The following SUSD4 variants were observed in gnomAD, a reference collection of about 807,000 sequenced individuals.
SUSD4 encodes the protein sushi domain containing 4.
A neutral mutation model predicts 50.5 loss-of-function variants in SUSD4; 41 were observed. The ratio of observed to expected loss-of-function variants is 0.81; its 90% confidence interval spans 0.63 to 1.05. SUSD4 has a LOEUF of 1.05. Ranked by LOEUF, SUSD4 falls within the 50% of genes least tolerant of loss-of-function variation. The pLI, the probability that SUSD4 is intolerant of heterozygous loss-of-function variation, is 0.00. For missense variants in SUSD4, 580 were observed against 634.7 expected (o/e 0.91, Z 0.93); for synonymous variants, 257 against 257.3 (o/e 1.00, Z 0.01).
At chr1:223,340,983 A>T (rs1019737038) in intron 2 of SUSD4, among the ~76,000 whole-genome samples, 1 of 152,224 alleles carries the variant, frequency 6.6e-6, no homozygotes, top group Non-Finnish European at 1.5e-5. Flanking sequence ...TCTAAGAGAG[A>T]ATAAAAGCAC....
intron 2 of SUSD4, among the ~76,000 whole-genome samples, chr1:223,347,822 G>A (rs1268558776): frequency 1.0e-5 from 1 of 97,198 alleles, no homozygotes; most frequent in Non-Finnish European, 2.2e-5. Context: ...CCCTCAGGAG[G>A]TGGATCCTGT....
chr1:223,280,348 C>T (rs925572153), intron 3 of SUSD4, among the ~76,000 whole-genome samples: 4 of 152,070 alleles, frequency 2.6e-5, no homozygotes, highest in African/African-American at 7.2e-5. Context: ...ACCCATCTCA[C>T]GTGCAGATAC....
intron 2 of SUSD4, among the ~76,000 whole-genome samples, chr1:223,347,695 C>T (rs370518193): frequency 4.0e-5 from 3 of 74,348 alleles, no homozygotes; most frequent in Non-Finnish European, 8.6e-5. Flanking sequence ...TGCTCAAATG[C>T]ATCCATGAAA....
Position 223,229,447 on chromosome 1 carries a change from C to T in SUSD4, c.725-59G>A, listed in dbSNP as rs1250871477. 1.3e-6 allele frequency: 2 copies of T among 1,490,336 alleles called. No homozygotes were observed. Among genetic ancestry groups the T allele is most frequent in the Admixed American group, 1.9e-5 (1 of 51,660 alleles). 92.3% of individuals were successfully genotyped at this position (1,490,336 alleles called of 1,614,324 possible). A position where few individuals can be genotyped will look rare whatever the true frequency, so the allele number is the denominator to read the frequency against. Reference sequence around the variant, plus strand: ...CCACAAGCTCACCTTTGTCTGAAGCCCCTAAGACGAAGAATGGCCTAGGAG... The same window carrying T: ...CCACAAGCTCACCTTTGTCTGAAGCTCCTAAGACGAAGAATGGCCTAGGAG... On this transcript the variant is annotated intron_variant, in intron 5 of 8. Coordinates refer to ENST00000366878, the MANE Select transcript of SUSD4 (RefSeq NM_017982.4). This position sits in a 1 kb window ranked among gnomAD's most constrained non-coding sequence, Gnocchi z 4.7.
intron 2 of SUSD4, among the ~76,000 whole-genome samples, chr1:223,320,080 G>A (rs960358706): frequency 1.3e-5 from 2 of 152,188 alleles, no homozygotes; most frequent in Non-Finnish European, 2.9e-5. Context: ...ATGCAGGGAC[G>A]CCTCCTAAGC....
At chr1:223,359,896 G>C (rs1668877219) in intron 2 of SUSD4, among the ~76,000 whole-genome samples, 1 of 151,896 alleles carries the variant, frequency 6.6e-6, no homozygotes, top group Admixed American at 6.6e-5. Flanking sequence ...AGAGTTCTAG[G>C]TAAAAATAAC....
At chr1:223,334,877 C>T (rs1025580885) in intron 2 of SUSD4, among the ~76,000 whole-genome samples, 6 of 152,108 alleles carry the variant, frequency 3.9e-5, no homozygotes, top group African/African-American at 7.2e-5. Flanking sequence ...CAAAGTCCTA[C>T]CCTTTCCCCC....
intron 2 of SUSD4, among the ~76,000 whole-genome samples, chr1:223,315,343 T>G (rs899443158): frequency 1.3e-5 from 2 of 152,236 alleles, no homozygotes; most frequent in African/African-American, 4.8e-5. Flanking sequence ...AGATACCTTC[T>G]CTAATTACTC....
intron 2 of SUSD4, among the ~76,000 whole-genome samples, chr1:223,346,270 C>T (rs999704933): frequency 6.6e-6 from 1 of 152,112 alleles, no homozygotes; most frequent in Non-Finnish European, 1.5e-5. Flanking sequence ...AAACATGCTC[C>T]TCCGTTCAGA....
intron 2 of SUSD4, among the ~76,000 whole-genome samples, chr1:223,328,964 C>T (rs986256459): frequency 6.6e-6 from 1 of 152,214 alleles, no homozygotes; most frequent in Non-Finnish European, 1.5e-5. Context: ...ATCTCTCTGT[C>T]ACTGGACAGC....
In SUSD4 at chr1:223,304,637, TCATGATACTCAAAAA is replaced by T. The variant is rs1315400304; in HGVS notation, c.149-12001_149-11987del. The stretch of plus-strand genomic sequence containing the variant: ...ACTACTTTCAATACACTCCACCTTG[TCATGATACTCAAAAA>T]CATACGTACTTTCAATAATGTAGCT... On this transcript the variant is annotated intron_variant, in intron 2 of 8. Transcript: ENST00000366878. Among the ~76,000 whole-genome samples, 10 of 151,348 alleles carry T rather than the reference TCATGATACTCAAAAA, an allele frequency of 6.6e-5. No individual in the cohort carries two copies. The East Asian group carries it at 1.8e-3, about 27-fold the overall frequency.
intron 3 of SUSD4, among the ~76,000 whole-genome samples, chr1:223,276,045 A>C (rs1315171501): frequency 2.0e-5 from 3 of 152,234 alleles, no homozygotes; most frequent in Non-Finnish European, 4.4e-5. Flanking sequence ...CAAACTGCTC[A>C]AAGACTGGCA....
intron 2 of SUSD4, among the ~76,000 whole-genome samples, chr1:223,345,035 G>A (rs1274204216): frequency 1.3e-5 from 2 of 152,188 alleles, no homozygotes; most frequent in African/African-American, 4.8e-5. Context: ...GTTAATATAA[G>A]TAATTTGTTA....
chr1:223,313,785 C>G (rs1666018050), intron 2 of SUSD4, among the ~76,000 whole-genome samples: 1 of 152,172 alleles, frequency 6.6e-6, no homozygotes, highest in Non-Finnish European at 1.5e-5. Flanking sequence ...GTCATCCTCA[C>G]TGCTCATTAC....
At chr1:223,248,870 A>AT (rs1453451718) in intron 5 of SUSD4, among the ~76,000 whole-genome samples, 1 of 152,230 alleles carries the variant, frequency 6.6e-6, no homozygotes, top group African/African-American at 2.4e-5. Flanking sequence ...ATGGCTTCAC[A>AT]TAAGAAATCT....
At chr1:223,364,334 G>A (rs1369043669), upstream of SUSD4, 2 of 146,698 alleles carry the variant, frequency 1.4e-5, no homozygotes, top group Admixed American at 1.3e-4. The surrounding 1 kb of genome is among the most constrained non-coding windows in gnomAD (Gnocchi z 4.5). Flanking sequence ...GGCGGCGGCG[G>A]CGCGGAGAGA....
chr1:223,223,095 G>A (rs143384779), intron 8 of SUSD4, among the ~76,000 whole-genome samples, 154 bp downstream of exon 8: 52 of 152,348 alleles, frequency 3.4e-4, no homozygotes, highest in African/African-American at 8.7e-4. Context: ...TCTACATGGA[G>A]AGAGAGCATG....
Position 223,222,242 on chromosome 1 carries a change from T to C in SUSD4, c.1445-22A>G, listed in dbSNP as rs201088421. The C allele has an allele frequency of 9.4e-4, 1,520 of 1,612,878 alleles. 1 individual carries two copies. The highest frequency in any genetic ancestry group is 1.2e-3 in the Non-Finnish European group (1,429 of 1,179,426). ...ATCTCTGTAAAAGAAGAGACGGTTATTAGCTTAACATAACCAGAAAACACC... is the reference window on the plus strand; with the variant it reads ...ATCTCTGTAAAAGAAGAGACGGTTACTAGCTTAACATAACCAGAAAACACC... On this transcript the variant is annotated intron_variant, in intron 8 of 8. Coordinates refer to ENST00000366878, the MANE Select transcript of SUSD4 (RefSeq NM_017982.4).
chr1:223,361,571 A>G (rs1382582051), intron 2 of SUSD4, among the ~76,000 whole-genome samples: 1 of 152,170 alleles, frequency 6.6e-6, no homozygotes, highest in Non-Finnish European at 1.5e-5. Context: ...ATGTACACTG[A>G]GCTCTGAAAT....
Sources: allele counts gnomAD v4.1 joint callset (sites outside exome capture counted in the v4.1 genomes callset), GRCh38; gene constraint gnomAD v4.1.1; non-coding constraint Gnocchi (gnomAD v3.1); transcripts MANE v1.5; gene names NCBI Gene and HGNC (gene_info 2026-07-23, HGNC 2026-07-21).